TUBB8B: variants seen among roughly 807,000 people sequenced by gnomAD.
TUBB8B encodes the protein tubulin beta 8B, also known as HSA18p11 beta-tubulin 4Q pseudogene.
In TUBB8B, 26 loss-of-function variants were observed where a neutral mutation model predicts 31.9. That is an observed-to-expected ratio of 0.81 (90% CI 0.60 to 1.13). The LOEUF is 1.13. Ranked by LOEUF, TUBB8B falls within the 50% of genes most tolerant of loss-of-function variation. TUBB8B has a pLI of 0.00. For synonymous variants in TUBB8B, 173 were observed against 231.0 expected (o/e 0.75, Z 2.28); for missense variants, 467 against 586.7 (o/e 0.80, Z 2.11).
the TUBB8B span, among the ~76,000 whole-genome samples, chr18:54,786 G>C: frequency 6.6e-6 from 1 of 151,854 alleles, no homozygotes; most frequent in Non-Finnish European, 1.5e-5. Context: ...TCTGTTGATG[G>C]ACATTTAGGT....
upstream of TUBB8B, among the ~76,000 whole-genome samples, chr18:51,745 T>C (rs558405839): frequency 1.3e-5 from 2 of 152,048 alleles, no homozygotes; most frequent in East Asian, 3.9e-4. Context: ...GGAGTTTCCC[T>C]ACACAAGCTC....
chr18:48,599 C>G (rs1905858612), intron 3 of TUBB8B, 152 bp from the exon 4 acceptor site: 6 of 712,234 alleles, frequency 8.4e-6, no homozygotes, highest in Non-Finnish European at 1.5e-5. Flanking sequence ...TCCAGAGTTA[C>G]AGGACAGCAG....
rs753296043 is a variant in TUBB8B at position 47,505 on chromosome 18, T to G, written c.1220A>C (p.Glu407Ala). ...WYTGEGMDEM[E>A]FTEAESNMND... is the part of the protein sequence containing the mutation. Reference sequence around the variant, plus strand: ...CATGTTGCTCTCGGCCTCGGTGAATTCCATCTCATCCATGCCCTCGCCCGT... The same window carrying G: ...CATGTTGCTCTCGGCCTCGGTGAATGCCATCTCATCCATGCCCTCGCCCGT... Residue 407 changes from glutamate (E) to alanine (A), a missense_variant, in exon 4 of 4, where the codon GAA (glutamate) becomes GCA (alanine). Around this residue, in one of 2 missense-constraint regions of TUBB8B, gnomAD observed 208 missense variants for 206.7 expected, o/e 1.01. Transcript: ENST00000308911. 3 of 1,586,508 alleles carry G rather than the reference T, an allele frequency of 1.9e-6. No individual in the cohort carries two copies. The highest frequency in any genetic ancestry group is 2.6e-6 in the Non-Finnish European group (3 of 1,157,144).
In TUBB8B at chr18:47,728, T is replaced by C. The variant is rs761430207; in HGVS notation, c.997A>G (p.Ile333Val). Residue 333 changes from isoleucine to valine, a missense_variant, in exon 4 of 4, where the codon ATT becomes GTT. By Grantham distance (29) the Ile-to-Val change is conservative (BLOSUM62 3). This residue lies in a region of TUBB8B where 208 missense variants were observed against 206.7 expected (regional missense o/e 1.01). Coordinates refer to ENST00000308911, the MANE Select transcript of TUBB8B (RefSeq NM_001358689.2). ...AAGTAGCTGCTGTTCTTATCTTGAATGTTGAACATTTGTTCATCCACCTCC... is the reference window on the plus strand; with the variant it reads ...AAGTAGCTGCTGTTCTTATCTTGAACGTTGAACATTTGTTCATCCACCTCC... ...MREVDEQMFN[I>V]QDKNSSYFAD... 8.1e-6 allele frequency: 13 copies of C among 1,610,914 alleles called. No homozygotes were observed. The South Asian group carries it at 1.4e-4, about 18-fold the overall frequency.
chr18:50,811 G>C (rs555154940), upstream of TUBB8B, among the ~76,000 whole-genome samples: 2 of 148,804 alleles, frequency 1.3e-5, no homozygotes, highest in South Asian at 4.2e-4. Context: ...CCTTGGCTGT[G>C]GCATCTACAA....
chr18:58,112 C>T, the TUBB8B span, among the ~76,000 whole-genome samples: 1 of 151,256 alleles, frequency 6.6e-6, no homozygotes, highest in African/African-American at 2.4e-5. Context: ...TTCTAAAATG[C>T]CTTCAATTCC....
chr18:53,751 G>C (rs1906197543), upstream of TUBB8B, among the ~76,000 whole-genome samples: 1 of 151,876 alleles, frequency 6.6e-6, no homozygotes, highest in Admixed American at 6.6e-5. Context: ...TTACAAGCAT[G>C]AGCTACTGCT....
At position 47,777 on chromosome 18, in the gene TUBB8B, A is replaced by G. The variant is rs757827193; in HGVS notation, c.948T>C (p.Ile316=). The change falls in exon 4 of 4, where the codon ATT becomes ATC. Residue 316 remains isoleucine, a synonymous_variant. Coordinates refer to ENST00000308911, the MANE Select transcript of TUBB8B (RefSeq NM_001358689.2). ...RHGCYLTVAA[I]FRGRMPMREV... ...CCCTCATGGGCATGCGACCCCTGAA[A>G]ATGGCAGCCACCGTTAGGTAGCAGC... 1 of 1,611,690 alleles carries G rather than the reference A, an allele frequency of 6.2e-7. No individual in the cohort carries two copies. Among genetic ancestry groups the G allele is most frequent in the Non-Finnish European group, 8.5e-7 (1 of 1,179,484 alleles).
chr18:67,002 T>TTTG, the TUBB8B span, among the ~76,000 whole-genome samples: 6 of 151,316 alleles, frequency 4.0e-5, no homozygotes, highest in African/African-American at 1.5e-4. Context: ...TTTTGTTTTT[T>TTTG]TTTTTTTTCC....
At chr18:63,725 C>CCCTAACCCTAAG in the TUBB8B span, among the ~76,000 whole-genome samples, 75 of 130,046 alleles carry the variant, frequency 5.8e-4, no homozygotes, top group East Asian at 0.016. Flanking sequence ...CTAACCCTAA[C>CCCTAACCCTAAG]CCCTAACCCT....
In TUBB8B at chr18:47,988, A is replaced by C; in HGVS notation, c.737T>G (p.Leu246Arg). 1 of 1,612,118 alleles carries C rather than the reference A, an allele frequency of 6.2e-7. No individual in the cohort carries two copies. ...VTTCLRFPGQ[L>R]NADLRKLAVN... ...GGCCAGCTTCCGCAGGTCAGCATTCAGCTGGCCTGGGAAGCGCAGGCATGT... is the reference window on the plus strand; with the variant it reads ...GGCCAGCTTCCGCAGGTCAGCATTCCGCTGGCCTGGGAAGCGCAGGCATGT... The change falls in exon 4 of 4, where the codon CTG (leucine) becomes CGG (arginine). Residue 246 changes from leucine (L) to arginine (R), a missense_variant. Transcript: ENST00000308911.
the TUBB8B span, among the ~76,000 whole-genome samples, chr18:69,965 T>G: frequency 6.6e-6 from 1 of 152,052 alleles, no homozygotes; most frequent in Non-Finnish European, 1.5e-5. Context: ...GAGAACGGCA[T>G]GGCCAACATG....
the TUBB8B span, among the ~76,000 whole-genome samples, chr18:55,525 A>T: frequency 6.6e-6 from 1 of 151,778 alleles, no homozygotes; most frequent in Non-Finnish European, 1.5e-5. Flanking sequence ...GGCAGGCGAG[A>T]CAGCATGTAT....
the TUBB8B span, among the ~76,000 whole-genome samples, chr18:55,795 A>G: frequency 6.6e-6 from 1 of 151,676 alleles, no homozygotes; most frequent in African/African-American, 2.4e-5. Context: ...TTTTCTCTTC[A>G]CTTTATTGTT....
chr18:63,858 CT>C, the TUBB8B span, among the ~76,000 whole-genome samples: 2 of 149,898 alleles, frequency 1.3e-5, no homozygotes, highest in African/African-American at 4.9e-5. Context: ...ACCATGACCC[CT>C]AACCACTGAC....
the TUBB8B span, among the ~76,000 whole-genome samples, chr18:65,520 C>T: frequency 3.9e-5 from 6 of 152,116 alleles, no homozygotes; most frequent in Non-Finnish European, 8.8e-5. Context: ...TAAACAAAGT[C>T]AACACCATTT....
the TUBB8B span, among the ~76,000 whole-genome samples, chr18:65,613 G>T: frequency 6.6e-6 from 1 of 152,092 alleles, no homozygotes; most frequent in Non-Finnish European, 1.5e-5. Flanking sequence ...CATTGTCAGG[G>T]CCCAGTGCTT....
chr18:49,624 C>A (rs1205298362), upstream of TUBB8B: 3 of 749,560 alleles, frequency 4.0e-6, no homozygotes, highest in African/African-American at 5.2e-5. Flanking sequence ...GCGACCCAGC[C>A]CGCCCTCCGC....
the TUBB8B span, among the ~76,000 whole-genome samples, chr18:59,322 A>G: frequency 6.6e-6 from 1 of 151,710 alleles, no homozygotes; most frequent in Admixed American, 6.6e-5. Flanking sequence ...TTACAGCGGT[A>G]AAAGTGGATA....
Sources: allele counts gnomAD v4.1 joint callset (sites outside exome capture counted in the v4.1 genomes callset), GRCh38; gene constraint gnomAD v4.1.1; regional missense constraint gnomAD v4.1.1; transcripts MANE v1.5; gene names NCBI Gene and HGNC (gene_info 2026-07-23, HGNC 2026-07-21).